Variants in RP1L1 observed in about 807,000 individuals in gnomAD.
RP1L1 encodes RP1 like 1.
A neutral mutation model predicts 15.7 loss-of-function variants in RP1L1; 27 were observed. That is an observed-to-expected ratio of 1.72 (90% CI 1.27 to 2.38). The LOEUF (loss-of-function observed/expected upper bound fraction) is 2.38, where lower values mean the gene tolerates loss of function less well. RP1L1 is among the 30% of genes most tolerant of loss of function. The probability of loss-of-function intolerance (pLI) is 0.00; values close to 1 mark genes in which losing one functional copy is unlikely to be tolerated. For missense variants in RP1L1, 4,798 were observed against 3,075.9 expected (o/e 1.56, Z -13.24); for synonymous variants, 1,813 against 1,276.7 (o/e 1.42, Z -8.96).
chr8:10,617,154 C>A (rs1797980840), intron 2 of RP1L1, among the ~76,000 whole-genome samples: 2 of 152,008 alleles, frequency 1.3e-5, no homozygotes, highest in Non-Finnish European at 2.9e-5. Flanking sequence ...GGCTCCTGAC[C>A]CTCCCCAGAC....
At chr8:10,631,393 A>G (rs13251392) in intron 1 of RP1L1, among the ~76,000 whole-genome samples, 1 of 146,358 alleles carries the variant, frequency 6.8e-6, no homozygotes, top group Admixed American at 6.7e-5. Flanking sequence ...ACATGCACAC[A>G]CACGCACACA....
chr8:10,610,844 A>T lies in RP1L1; in HGVS notation c.3254T>A (p.Ile1085Asn), dbSNP rs1364306460. The T allele has an allele frequency of 6.2e-7, 1 of 1,608,118 alleles. No individual in the cohort carries two copies. The change falls in exon 4 of 4, where the codon ATC (isoleucine) becomes AAC (asparagine). Residue 1085 changes from isoleucine (I) to asparagine (N), a missense_variant. Transcript: ENST00000382483. ...CTTGGAGCCCATCAGCGCCCTCATG[A>T]TCTGCGTGGAGGCAGACACCCGGCC... is the stretch of plus-strand genomic sequence containing the variant. ...LPGRVSASTQ[I>N]MRALMGSKQG...
chr8:10,607,981 C>A lies in RP1L1; in HGVS notation c.6117G>T (p.Gly2039=). The A allele has an allele frequency of 1.2e-6, 2 of 1,609,538 alleles. No individual in the cohort carries two copies. The highest frequency in any genetic ancestry group is 1.7e-6 in the Non-Finnish European group (2 of 1,178,770). ...CATCCCCTTCTGTCTTCTGGGTCTC[C>A]CCTTCAACCTCCTGGGCCTCTTCAC... ...SEGEEAQEVE[G]ETQKTEGDAQ... Residue 2039 remains glycine, a synonymous_variant, in exon 4 of 4, where the codon GGG becomes GGT. Coordinates refer to ENST00000382483, the MANE Select transcript of RP1L1 (RefSeq NM_178857.6).
chr8:10,623,299 G>C (rs924702211), intron 1 of RP1L1, 79 bp from the exon 2 acceptor site: 13 of 1,083,312 alleles, frequency 1.2e-5, no homozygotes, highest in Middle Eastern at 3.1e-4. Context: ...TCTTTCTAGA[G>C]GTGCTTCCTG....
In RP1L1 at chr8:10,606,753, G is replaced by C. The variant is rs528712101; in HGVS notation, c.*142C>G. ...AAGAGTCCCAGGACAGCATGGCATG[G>C]GCTGTGTCCTTGGCAAGTCCTTGGT... On this transcript the variant is annotated 3_prime_UTR_variant, in exon 4 of 4. Transcript: ENST00000382483. 14 of 1,376,702 alleles carry C rather than the reference G, an allele frequency of 1.0e-5. No homozygotes were observed. In the East Asian group the frequency reaches 3.2e-4, roughly 31 times the overall value. 85.3% of individuals were successfully genotyped at this position (1,376,702 alleles called of 1,614,324 possible).
intron 2 of RP1L1, 149 bp downstream of exon 2, chr8:10,622,444 G>C (rs1798075287): frequency 2.0e-6 from 2 of 987,042 alleles, no homozygotes; most frequent in Non-Finnish European, 3.2e-6. Context: ...TTATTGACTT[G>C]ACTGAGTGTC....
At chr8:10,652,872 G>T (rs1286907442) in intron 1 of RP1L1, among the ~76,000 whole-genome samples, 1 of 152,156 alleles carries the variant, frequency 6.6e-6, no homozygotes, top group African/African-American at 2.4e-5. Flanking sequence ...TCTGAACAGA[G>T]CAGGTGCCTA....
chr8:10,635,746 G>A (rs1400225284), intron 1 of RP1L1, among the ~76,000 whole-genome samples: 2 of 152,216 alleles, frequency 1.3e-5, no homozygotes, highest in East Asian at 3.9e-4. Flanking sequence ...TGGAGGATGT[G>A]GGAGACTTTT....
At chr8:10,625,886 A>T (rs949414543) in intron 1 of RP1L1, among the ~76,000 whole-genome samples, 1 of 151,850 alleles carries the variant, frequency 6.6e-6, no homozygotes, top group Non-Finnish European at 1.5e-5. Context: ...AGGCTGAGTC[A>T]GTGCAGGTGG....
At chr8:10,643,490 C>G (rs1798435395) in intron 1 of RP1L1, among the ~76,000 whole-genome samples, 1 of 152,098 alleles carries the variant, frequency 6.6e-6, no homozygotes, top group Admixed American at 6.5e-5. Flanking sequence ...GCCAATCTGC[C>G]ATAAATTACC....
chr8:10,626,985 C>G (rs1030921491), intron 1 of RP1L1, among the ~76,000 whole-genome samples: 1 of 152,134 alleles, frequency 6.6e-6, no homozygotes, highest in Non-Finnish European at 1.5e-5. Flanking sequence ...CTGTAAAAAC[C>G]AGAAAACACG....
intron 1 of RP1L1, among the ~76,000 whole-genome samples, chr8:10,638,347 T>G (rs555245191): frequency 2.0e-5 from 3 of 151,964 alleles, no homozygotes; most frequent in Admixed American, 1.3e-4. Flanking sequence ...AATAGAAACT[T>G]CCCCTGAATG....
Position 10,612,751 on chromosome 8 carries a change from G to A in RP1L1, c.1347C>T (p.Ser449=). The change falls in exon 4 of 4, where the codon AGC becomes AGT. Residue 449 remains serine, a synonymous_variant. Coordinates refer to ENST00000382483, the MANE Select transcript of RP1L1 (RefSeq NM_178857.6). ...GHGTAGRERC[S]QDSASPASST... The stretch of plus-strand genomic sequence containing the variant: ...TGGAGGCTGGGCTGGCACTGTCCTG[G>A]CTGCATCTCTCCCTCCCGGCAGTCC... 1 of 1,608,186 alleles carries A rather than the reference G, an allele frequency of 6.2e-7. No homozygotes were observed.
intron 1 of RP1L1, among the ~76,000 whole-genome samples, chr8:10,638,636 T>G (rs1798364214): frequency 6.6e-6 from 1 of 152,078 alleles, no homozygotes; most frequent in Non-Finnish European, 1.5e-5. Context: ...AGTCACTTGA[T>G]CTACTTGATA....
At chr8:10,621,166 C>A (rs11786631) in intron 2 of RP1L1, 4,209 of 152,928 alleles carry the variant, frequency 0.028, 66 homozygotes, top group Middle Eastern at 0.065. Context: ...TAGACGATAT[C>A]AAGGTGAGGT....
In RP1L1 at chr8:10,607,744, G is replaced by T; in HGVS notation, c.6354C>A (p.Ala2118=). The change falls in exon 4 of 4, where the codon GCC becomes GCA. Residue 2118 remains alanine, a synonymous_variant. Coordinates refer to ENST00000382483, the MANE Select transcript of RP1L1 (RefSeq NM_178857.6). ...GCTGGGCCTCCCCTTCAGTCTCTGG[G>T]GCCTCTATACCTTCTGCCTTCTGGG... ...GEAQKAEGIE[A]PETEGEAQPE... is the part of the protein sequence containing the mutation. 4 of 1,599,020 alleles carry T rather than the reference G, an allele frequency of 2.5e-6. No individual in the cohort carries two copies. Among genetic ancestry groups the T allele is most frequent in the Non-Finnish European group, 3.4e-6 (4 of 1,176,770 alleles).
rs377036512 is a variant in RP1L1 at position 10,623,008 on chromosome 8, A to C, written c.194T>G (p.Met65Arg). The C allele has an allele frequency of 1.2e-6, 2 of 1,614,098 alleles. No individual in the cohort carries two copies. The highest frequency in any genetic ancestry group is 2.2e-5 in the South Asian group (2 of 91,074). Reference protein sequence around the residue: ...QRAFKTFSALMDELSQRVPLS... With the variant: ...QRAFKTFSALRDELSQRVPLS... Reference sequence around the variant, plus strand: ...AGGCACGCGCTGGGAGAGCTCGTCCATGAGGGCGCTGAAGGTCTTAAAGGC... The same window carrying C: ...AGGCACGCGCTGGGAGAGCTCGTCCCTGAGGGCGCTGAAGGTCTTAAAGGC... The change falls in exon 2 of 4, where the codon ATG becomes AGG. Residue 65 changes from methionine (M) to arginine (R), a missense_variant. Met to Arg is a moderately conservative substitution (Grantham distance 91). Transcript: ENST00000382483.
Position 10,612,159 on chromosome 8 carries a change from C to T in RP1L1, c.1939G>A (p.Ala647Thr). 1 of 1,613,478 alleles carries T rather than the reference C, an allele frequency of 6.2e-7. No individual in the cohort carries two copies. The highest frequency in any genetic ancestry group is 8.5e-7 in the Non-Finnish European group (1 of 1,180,022). The change falls in exon 4 of 4, where the codon GCA becomes ACA. Residue 647 changes from alanine (A) to threonine (T), a missense_variant. By Grantham distance (58) the Ala-to-Thr change is moderately conservative. Coordinates refer to ENST00000382483, the MANE Select transcript of RP1L1 (RefSeq NM_178857.6). The part of the protein sequence containing the change: ...GQRRHRSRAS[A>T]MSSPSSPGLG... Reference sequence around the variant, plus strand: ...CCAGGGCTGCTGGGTGAGGACATTGCACTGGCCCGGCTTCTGTGCCTTCTC... The same window carrying T: ...CCAGGGCTGCTGGGTGAGGACATTGTACTGGCCCGGCTTCTGTGCCTTCTC...
intron 1 of RP1L1, among the ~76,000 whole-genome samples, chr8:10,633,814 G>C (rs139626894): frequency 1.3e-5 from 2 of 152,334 alleles, no homozygotes; most frequent in African/African-American, 4.8e-5. Flanking sequence ...ACAATACAAG[G>C]TATATGTCCA....
Sources: allele counts gnomAD v4.1 joint callset (sites outside exome capture counted in the v4.1 genomes callset), GRCh38; gene constraint gnomAD v4.1.1; transcripts MANE v1.5; gene names NCBI Gene and HGNC (gene_info 2026-07-23, HGNC 2026-07-21).